Variants in EPHB1 observed in about 807,000 individuals in gnomAD.
The protein encoded by EPHB1 is ephrin type-B receptor 1.
In EPHB1, 30 loss-of-function variants were observed where a neutral mutation model predicts 94.4. That is an observed-to-expected ratio of 0.32 (90% confidence interval 0.24 to 0.43). The LOEUF (loss-of-function observed/expected upper bound fraction) is 0.43. EPHB1 is among the 20% of genes least tolerant of loss of function. The pLI, the probability that EPHB1 is intolerant of heterozygous loss-of-function variation, is 1.00. For synonymous variants in EPHB1, 522 were observed against 489.1 expected (o/e 1.07, Z -0.89); for missense variants, 1,055 against 1,308.3 (o/e 0.81, Z 2.99).
intron 1 of EPHB1, among the ~76,000 whole-genome samples, chr3:134,870,660 C>T (rs2037480853): frequency 6.6e-6 from 1 of 152,252 alleles, no homozygotes; most frequent in Non-Finnish European, 1.5e-5. Flanking sequence ...CATGCTGGGA[C>T]AACCTAACCT....
At position 134,983,131 on chromosome 3, in the gene EPHB1, C is replaced by T. The variant is rs138561122; in HGVS notation, c.805+31079C>T. Among the ~76,000 whole-genome samples the T allele has an allele frequency of 3.9e-5, 6 of 152,258 alleles. No homozygotes were observed. In the East Asian group the frequency reaches 5.8e-4, roughly 15 times the overall value. On this transcript the variant is annotated intron_variant, in intron 3 of 15. Coordinates refer to ENST00000398015, the MANE Select transcript of EPHB1 (RefSeq NM_004441.5). Reference sequence around the variant, plus strand: ...CTTCTAAACGTTTTAATAAAGAGGCCTCCCTTAGTGACTTTCAGTCTCCAG... The same window carrying T: ...CTTCTAAACGTTTTAATAAAGAGGCTTCCCTTAGTGACTTTCAGTCTCCAG...
chr3:135,000,960 T>C (rs1935152369), intron 3 of EPHB1, among the ~76,000 whole-genome samples: 1 of 152,166 alleles, frequency 6.6e-6, no homozygotes, highest in Non-Finnish European at 1.5e-5. Flanking sequence ...TCATAGACTT[T>C]TGTTCTGACT....
At chr3:135,189,978 C>T (rs546433621) in intron 10 of EPHB1, among the ~76,000 whole-genome samples, 1 of 152,292 alleles carries the variant, frequency 6.6e-6, no homozygotes, top group African/African-American at 2.4e-5. Flanking sequence ...GGGACCTGCA[C>T]ATTTGGGGCA....
chr3:135,181,902 A>G (rs1410621839), intron 10 of EPHB1, among the ~76,000 whole-genome samples: 1 of 152,162 alleles, frequency 6.6e-6, no homozygotes, highest in South Asian at 2.1e-4. Context: ...CTCATGTGAT[A>G]TTGGGGAGAA....
intron 1 of EPHB1, among the ~76,000 whole-genome samples, chr3:134,804,429 A>G (rs955881070): frequency 4.3e-5 from 4 of 92,010 alleles, no homozygotes; most frequent in African/African-American, 1.1e-4. Flanking sequence ...GGGAGCTACA[A>G]CTCAAGTTAA....
intron 2 of EPHB1, among the ~76,000 whole-genome samples, chr3:134,934,024 G>A (rs1392206296): frequency 6.6e-6 from 1 of 151,744 alleles, no homozygotes; most frequent in African/African-American, 2.4e-5. Flanking sequence ...TCCCTCTTCA[G>A]GTAAACCACT....
At chr3:135,243,304 G>A (rs895600900) in intron 13 of EPHB1, among the ~76,000 whole-genome samples, 2 of 152,128 alleles carry the variant, frequency 1.3e-5, no homozygotes, top group African/African-American at 2.4e-5. Flanking sequence ...CACAATCAGT[G>A]TATGCTAGTT....
Position 134,987,304 on chromosome 3 carries a change from A to C in EPHB1, c.805+35252A>C, listed in dbSNP as rs186367450. Among the ~76,000 whole-genome samples, 4 of 152,274 alleles carry C rather than the reference A, an allele frequency of 2.6e-5. No individual in the cohort carries two copies. The East Asian group carries it at 7.7e-4, about 29-fold the overall frequency. On this transcript the variant is annotated intron_variant, in intron 3 of 15. Coordinates refer to ENST00000398015, the MANE Select transcript of EPHB1 (RefSeq NM_004441.5). Reference sequence around the variant, plus strand: ...CTTAAAATTCCTGTGTTGGGCCCTAAAGCCCTGTAGGGCCTAAGGCTCTAA... The same window carrying C: ...CTTAAAATTCCTGTGTTGGGCCCTACAGCCCTGTAGGGCCTAAGGCTCTAA...
chr3:135,031,830 A>T (rs554799391), intron 3 of EPHB1, among the ~76,000 whole-genome samples: 18 of 152,228 alleles, frequency 1.2e-4, no homozygotes, highest in Non-Finnish European at 2.1e-4. Flanking sequence ...TGAAAATACA[A>T]TTATCCTACC....
intron 15 of EPHB1, among the ~76,000 whole-genome samples, chr3:135,258,251 T>C (rs530909329): frequency 5.9e-5 from 9 of 152,340 alleles, no homozygotes; most frequent in African/African-American, 2.2e-4. Context: ...AATTAAATTT[T>C]TATCATCATT....
chr3:134,877,268 C>A (rs1175020854), intron 1 of EPHB1, among the ~76,000 whole-genome samples: 1 of 152,162 alleles, frequency 6.6e-6, no homozygotes, highest in Non-Finnish European at 1.5e-5. Context: ...ACCTGGAGAG[C>A]CTTAGCTTCA....
intron 3 of EPHB1, among the ~76,000 whole-genome samples, chr3:135,054,412 G>GAT (rs1167115546): frequency 4.6e-5 from 7 of 152,066 alleles, no homozygotes; most frequent in African/African-American, 9.6e-5. Flanking sequence ...TTTTTCAGGA[G>GAT]ATATATATAT....
intron 3 of EPHB1, among the ~76,000 whole-genome samples, chr3:135,063,068 A>C (rs892693725): frequency 6.6e-6 from 1 of 152,162 alleles, no homozygotes; most frequent in Admixed American, 6.5e-5. Flanking sequence ...TAACAGTACC[A>C]TGCTGTTTTG....
chr3:135,099,602 A>G (rs955515242), intron 3 of EPHB1, among the ~76,000 whole-genome samples: 4 of 152,224 alleles, frequency 2.6e-5, no homozygotes, highest in Non-Finnish European at 5.9e-5. Flanking sequence ...ACCAGGCCTG[A>G]AATTTCAGAG....
chr3:134,913,790 C>T (rs1298510964), intron 1 of EPHB1, among the ~76,000 whole-genome samples: 4 of 152,198 alleles, frequency 2.6e-5, no homozygotes, highest in Non-Finnish European at 5.9e-5. Flanking sequence ...CTGTGCTCTG[C>T]ATGTGTGCCA....
rs142254406 is a variant in EPHB1 at position 135,173,331 on chromosome 3, G to T, written c.1759+6325G>T. Among the ~76,000 whole-genome samples the T allele has an allele frequency of 3.9e-5, 6 of 152,302 alleles. No individual in the cohort carries two copies. In the East Asian group the frequency reaches 1.2e-3, roughly 29 times the overall value. On this transcript the variant is annotated intron_variant, in intron 9 of 15. Transcript: ENST00000398015. ...TTACAGGCGTGAGCCACCGCGCCCG[G>T]CCTGAAATAGTTTCTTTAAGAGGAA...
intron 11 of EPHB1, among the ~76,000 whole-genome samples, chr3:135,197,769 C>A (rs528330080): frequency 1.3e-5 from 2 of 152,190 alleles, no homozygotes; most frequent in Admixed American, 6.5e-5. Context: ...TTACTATGTG[C>A]TCAGCATGGA....
At chr3:135,018,304 G>C (rs1034906355) in intron 3 of EPHB1, among the ~76,000 whole-genome samples, 2 of 152,098 alleles carry the variant, frequency 1.3e-5, no homozygotes, top group East Asian at 3.9e-4. Context: ...TATGATGGGG[G>C]TGCTGAGCAA....
intron 1 of EPHB1, among the ~76,000 whole-genome samples, chr3:134,808,862 C>T (rs2036117179): frequency 6.6e-6 from 1 of 152,180 alleles, no homozygotes; most frequent in African/African-American, 2.4e-5. Context: ...CTCAACTAGA[C>T]TGAAAGAGGA....
Sources: gnomAD v4.1 joint callset for allele counts (sites outside exome capture counted in the v4.1 genomes callset) on GRCh38, gnomAD v4.1.1 for gene constraint, MANE v1.5 for transcripts, NCBI Gene and HGNC (gene_info 2026-07-23, HGNC 2026-07-21) for gene names.